PRKD1: variants seen among roughly 807,000 people sequenced by gnomAD.
PRKD1 encodes the protein serine/threonine-protein kinase D1.
In PRKD1, 63 loss-of-function variants were observed where a neutral mutation model predicts 95.9. That is an observed-to-expected ratio of 0.66 (90% CI 0.54 to 0.81). PRKD1 has a LOEUF of 0.81. Among genes scored for constraint, PRKD1 ranks in the 30% least tolerant of loss-of-function variants. PRKD1 has a pLI of 0.00. For missense variants in PRKD1, 1,048 were observed against 1,165.3 expected (o/e 0.90, Z 1.47); for synonymous variants, 425 against 423.1 (o/e 1.00, Z -0.05).
At chr14:29,675,278 CTT>C in intron 2 of PRKD1, among the ~76,000 whole-genome samples, 1 of 152,298 alleles carries the variant, frequency 6.6e-6, no homozygotes, top group East Asian at 1.9e-4. Flanking sequence ...GAGATAATAA[CTT>C]ATATAAAGTA....
At position 29,888,440 on chromosome 14, in the gene PRKD1, T is replaced by C. The variant is rs141657023; in HGVS notation, c.264+38809A>G. On this transcript the variant is annotated intron_variant, in intron 1 of 17. Transcript: ENST00000331968. ...CTATAGAAAGACATACCAACTTGTATACGGAATGGCTGGAAAGGCATCATG... is the reference window on the plus strand; with the variant it reads ...CTATAGAAAGACATACCAACTTGTACACGGAATGGCTGGAAAGGCATCATG... Among the ~76,000 whole-genome samples the C allele has an allele frequency of 9.5e-4, 145 of 152,300 alleles. 3 individuals are homozygous for C. The highest frequency in any genetic ancestry group is 3.4e-3 in the African/African-American group (140 of 41,564).
Position 29,688,788 on chromosome 14 carries a change from C to T in PRKD1, c.404-22580G>A, listed in dbSNP as rs575637032. ...CTCTACTAAAATACAAAAAAATTAG[C>T]CGGGCGTGGCAGCGTGCACCTGTAG... On this transcript the variant is annotated intron_variant, in intron 2 of 17. Coordinates refer to ENST00000331968, the MANE Select transcript of PRKD1 (RefSeq NM_002742.3). Among the ~76,000 whole-genome samples the T allele has an allele frequency of 3.3e-5, 5 of 151,420 alleles. No homozygotes were observed. The South Asian group carries it at 8.3e-4, about 25-fold the overall frequency.
chr14:29,606,005 CT>C (rs916525939), intron 13 of PRKD1, among the ~76,000 whole-genome samples: 5 of 151,436 alleles, frequency 3.3e-5, no homozygotes, highest in African/African-American at 1.2e-4. Context: ...TAAGTAATGA[CT>C]TTTTTTTTCT....
chr14:29,866,664 T>A (rs1170953229), intron 1 of PRKD1, among the ~76,000 whole-genome samples: 1 of 151,984 alleles, frequency 6.6e-6, no homozygotes, highest in Non-Finnish European at 1.5e-5. Flanking sequence ...TGATTAGAAA[T>A]GACTTCCAGG....
At chr14:29,861,987 CT>C (rs1422156210) in intron 1 of PRKD1, among the ~76,000 whole-genome samples, 1 of 152,072 alleles carries the variant, frequency 6.6e-6, no homozygotes, top group African/African-American at 2.4e-5. Context: ...TCTAACTATT[CT>C]TTTGTACCCA....
At chr14:29,865,353 T>C (rs938294349) in intron 1 of PRKD1, among the ~76,000 whole-genome samples, 1 of 152,220 alleles carries the variant, frequency 6.6e-6, no homozygotes, top group Non-Finnish European at 1.5e-5. Flanking sequence ...TACAGTTTGC[T>C]GTGGTTCCAA....
chr14:29,626,520 C>T lies in PRKD1; in HGVS notation c.1762G>A (p.Val588Ile), dbSNP rs1028931732. 6.2e-7 allele frequency: 1 copy of T among 1,612,122 alleles called. No homozygotes were observed. Among genetic ancestry groups the T allele is most frequent in the Non-Finnish European group, 8.5e-7 (1 of 1,179,244 alleles). The change falls in exon 12 of 18, where the codon GTA becomes ATA. Residue 588 changes from valine (V) to isoleucine (I), a missense_variant. Val to Ile is a conservative substitution (Grantham distance 29). Around this residue, in one of 3 missense-constraint regions of PRKD1, gnomAD observed 739 missense variants for 861.9 expected, o/e 0.86. Transcript: ENST00000331968. ...STVYQIFPDE[V>I]LGSGQFGIVY... ...ATTCCAAACTGTCCAGAACCCAGTA[C>T]TTCATCAGGAAAAATCTGATATACT...
chr14:29,837,165 G>C (rs1566628464), intron 1 of PRKD1, among the ~76,000 whole-genome samples: 1 of 152,042 alleles, frequency 6.6e-6, no homozygotes, highest in Non-Finnish European at 1.5e-5. Context: ...TGTAAAAGAA[G>C]TGAAAGGCAA....
chr14:29,688,726 G>A, intron 2 of PRKD1, among the ~76,000 whole-genome samples: 1 of 152,076 alleles, frequency 6.6e-6, no homozygotes, highest in East Asian at 1.9e-4. Context: ...GAGCTTAGGA[G>A]TTCACGACCA....
chr14:29,872,534 C>T (rs1043811321), intron 1 of PRKD1, among the ~76,000 whole-genome samples: 14 of 151,886 alleles, frequency 9.2e-5, no homozygotes, highest in Non-Finnish European at 1.9e-4. Flanking sequence ...CACCTGTAGT[C>T]CCAGCTACTC....
chr14:29,793,516 G>A (rs1167627846), intron 1 of PRKD1, among the ~76,000 whole-genome samples: 2 of 152,106 alleles, frequency 1.3e-5, no homozygotes, highest in African/African-American at 4.8e-5. Flanking sequence ...TTCCATGTGT[G>A]TTCTGTGGGA....
At chr14:29,598,099 A>AC (rs1220713965) in intron 15 of PRKD1, among the ~76,000 whole-genome samples, 4 of 151,540 alleles carry the variant, frequency 2.6e-5, no homozygotes, top group Non-Finnish European at 5.9e-5. Flanking sequence ...ACATAGTGAG[A>AC]CCCCCATCTC....
At chr14:29,610,916 A>G (rs541088706) in intron 13 of PRKD1, among the ~76,000 whole-genome samples, 1 of 152,218 alleles carries the variant, frequency 6.6e-6, no homozygotes, top group African/African-American at 2.4e-5. Flanking sequence ...GCCACATACT[A>G]TGTGATTCCA....
In PRKD1 at chr14:29,836,111, A is replaced by G. The variant is rs907156642; in HGVS notation, c.264+91138T>C. Among the ~76,000 whole-genome samples the G allele has an allele frequency of 1.6e-4, 24 of 152,302 alleles. 1 individual carries two copies. The highest frequency in any genetic ancestry group is 6.8e-3 in the Middle Eastern group (2 of 294). On this transcript the variant is annotated intron_variant, in intron 1 of 17. Transcript: ENST00000331968. ...AGGAGGTGACATGAGAGCATGACTA[A>G]ATCAAAACAGACTACAGAGAAGGCA...
At chr14:29,733,292 C>T (rs915430708) in intron 1 of PRKD1, among the ~76,000 whole-genome samples, 6 of 151,608 alleles carry the variant, frequency 4.0e-5, no homozygotes, top group African/African-American at 4.8e-5. Flanking sequence ...TTAGTACAGA[C>T]GGGTTTTCAC....
intron 1 of PRKD1, among the ~76,000 whole-genome samples, chr14:29,797,988 A>G (rs560599538): frequency 6.6e-6 from 1 of 152,298 alleles, no homozygotes; most frequent in Admixed American, 6.5e-5. Context: ...ACAGAACTCA[A>G]TGCCATATAA....
In PRKD1 at chr14:29,578,672, T is replaced by A. The variant is rs549000323; in HGVS notation, c.2435-312A>T. 4.6e-5 allele frequency among the ~76,000 whole-genome samples: 7 copies of A among 152,202 alleles called. No homozygotes were observed. The South Asian group carries it at 1.4e-3, about 32-fold the overall frequency. ...AACACTTTCTTTAATTTAGAAATTT[T>A]GTTTATATGTACATCATTTAAATAT... On this transcript the variant is annotated intron_variant, in intron 16 of 17. Transcript: ENST00000331968.
chr14:29,627,583 T>C (rs1299621889), intron 11 of PRKD1, among the ~76,000 whole-genome samples: 3 of 152,218 alleles, frequency 2.0e-5, no homozygotes, highest in Non-Finnish European at 4.4e-5. Context: ...TTCCCTTATA[T>C]ATTCCTATTA....
intron 2 of PRKD1, among the ~76,000 whole-genome samples, chr14:29,709,988 A>G (rs1885264947): frequency 6.6e-6 from 1 of 152,194 alleles, no homozygotes; most frequent in Non-Finnish European, 1.5e-5. Context: ...CTAGTGTTCA[A>G]TTACTTCTTC....
Sources: gnomAD v4.1 joint callset for allele counts (sites outside exome capture counted in the v4.1 genomes callset) on GRCh38, gnomAD v4.1.1 for gene constraint, gnomAD v4.1.1 regional missense constraint, MANE v1.5 for transcripts, NCBI Gene and HGNC (gene_info 2026-07-23, HGNC 2026-07-21) for gene names.